Variants in PLCZ1 observed in about 807,000 individuals in gnomAD.
PLCZ1 encodes the protein phospholipase C zeta 1, also known as 1-phosphatidylinositol 4,5-bisphosphate phosphodiesterase zeta-1.
A neutral mutation model predicts 76.8 loss-of-function variants in PLCZ1; 64 were observed. That is an observed-to-expected ratio of 0.83 (90% CI 0.68 to 1.03). The LOEUF is 1.03. PLCZ1 is among the 50% of genes least tolerant of loss of function. PLCZ1 has a pLI of 0.00. For synonymous variants in PLCZ1, 248 were observed against 230.8 expected, an observed-to-expected ratio of 1.07 and a Z score of -0.68; for missense variants, 751 against 713.7, an observed-to-expected ratio of 1.05 and a Z score of -0.60.
At chr12:18,729,255 G>A (rs1380918945) in intron 3 of PLCZ1, among the ~76,000 whole-genome samples, 1 of 151,512 alleles carries the variant, frequency 6.6e-6, no homozygotes, top group Non-Finnish European at 1.5e-5. Flanking sequence ...TATTCTCCAT[G>A]CACTCTTTCC....
chr12:18,710,261 AT>A (rs896827811), intron 6 of PLCZ1, among the ~76,000 whole-genome samples: 4 of 149,410 alleles, frequency 2.7e-5, no homozygotes, highest in South Asian at 4.3e-4. Context: ...GACTGTCACT[AT>A]TTTTTTTAAT....
At chr12:18,684,569 C>T (rs1429249707) in intron 13 of PLCZ1, among the ~76,000 whole-genome samples, 1 of 151,976 alleles carries the variant, frequency 6.6e-6, no homozygotes, top group East Asian at 1.9e-4. Context: ...TACATAATTT[C>T]CTAAGGTTTC....
At chr12:18,708,559 T>C (rs996796251) in intron 6 of PLCZ1, among the ~76,000 whole-genome samples, 4 of 152,170 alleles carry the variant, frequency 2.6e-5, no homozygotes, top group Admixed American at 6.5e-5. Context: ...GGTGGCTCTA[T>C]TTTTTATTTC....
chr12:18,683,088 A>G, downstream of PLCZ1: 2 of 710,246 alleles, frequency 2.8e-6, no homozygotes, highest in Non-Finnish European at 4.7e-6. Context: ...CCACTGATTT[A>G]TTTTTGTATA....
At chr12:18,699,307 T>C (rs1443181592) in intron 10 of PLCZ1, among the ~76,000 whole-genome samples, 2 of 152,186 alleles carry the variant, frequency 1.3e-5, no homozygotes, top group Non-Finnish European at 2.9e-5. Context: ...TCATCCTGTC[T>C]CCACTCTCAC....
chr12:18,702,818 C>CTTTTTTTTTT (rs71064022), intron 7 of PLCZ1, among the ~76,000 whole-genome samples: 2 of 116,600 alleles, frequency 1.7e-5, no homozygotes, highest in African/African-American at 3.4e-5. Context: ...GATAAAGTAA[C>CTTTTTTTTTT]TTTTTTTTTT....
intron 12 of PLCZ1, among the ~76,000 whole-genome samples, chr12:18,689,856 C>T (rs1398279732): frequency 6.6e-6 from 1 of 151,986 alleles, no homozygotes; most frequent in Non-Finnish European, 1.5e-5. Context: ...CTCTCTGATT[C>T]CCAAATCGTG....
At chr12:18,672,578 T>C in the PLCZ1 span, among the ~76,000 whole-genome samples, 1 of 152,170 alleles carries the variant, frequency 6.6e-6, no homozygotes, top group Non-Finnish European at 1.5e-5. Flanking sequence ...CTCATCACAT[T>C]TGAATGAATA....
chr12:18,684,143 T>C lies in PLCZ1; in HGVS notation c.1728A>G (p.Leu576=). Residue 576 remains leucine, a synonymous_variant, in exon 14 of 15, where the codon CTA becomes CTG. Coordinates refer to ENST00000266505, the MANE Select transcript of PLCZ1 (RefSeq NM_033123.4). ...TAGGGACATTACCTTTGTTCATGCATAGAAGTGGCAAAGTATATTGCCCAA... is the reference window on the plus strand; with the variant it reads ...TAGGGACATTACCTTTGTTCATGCACAGAAGTGGCAAAGTATATTGCCCAA... ...EFLGQYTLPL[L]CMNKGYRRIP... is the part of the protein sequence containing the mutation. 1 of 1,611,798 alleles carries C rather than the reference T, an allele frequency of 6.2e-7. No individual in the cohort carries two copies. Among genetic ancestry groups the C allele is most frequent in the Non-Finnish European group, 8.5e-7 (1 of 1,178,644 alleles).
intron 12 of PLCZ1, among the ~76,000 whole-genome samples, chr12:18,690,833 T>C (rs1169490323): frequency 6.6e-6 from 1 of 152,100 alleles, no homozygotes; most frequent in African/African-American, 2.4e-5. Flanking sequence ...GGATCCTAGT[T>C]CCACATGGTT....
intron 3 of PLCZ1, among the ~76,000 whole-genome samples, chr12:18,726,504 T>C (rs985667998): frequency 5.9e-5 from 9 of 152,120 alleles, no homozygotes; most frequent in Non-Finnish European, 1.0e-4. Context: ...TGGACCTACC[T>C]AGAGGAGGAG....
chr12:18,698,282 A>ATTCTATTCTATTCTATTCTATTCTATT (rs1955396778), intron 10 of PLCZ1, among the ~76,000 whole-genome samples: 1 of 151,694 alleles, frequency 6.6e-6, no homozygotes, highest in Non-Finnish European at 1.5e-5. Context: ...ATTCTATTCT[A>ATTCTATTCTATTCTATTCTATTCTATT]TTCTACTCCA....
downstream of PLCZ1, among the ~76,000 whole-genome samples, chr12:18,682,689 TAC>T (rs1232127156): frequency 6.6e-6 from 1 of 151,988 alleles, no homozygotes; most frequent in Non-Finnish European, 1.5e-5. Flanking sequence ...ATCAATTTTA[TAC>T]ACACTCGTAA....
At chr12:18,654,504 C>T in the PLCZ1 span, among the ~76,000 whole-genome samples, 4 of 152,064 alleles carry the variant, frequency 2.6e-5, no homozygotes, top group South Asian at 2.1e-4. Context: ...GATTTCAGAC[C>T]GAAATCCCAG....
chr12:18,702,689 A>G (rs1173718867), intron 7 of PLCZ1, among the ~76,000 whole-genome samples: 2 of 152,146 alleles, frequency 1.3e-5, no homozygotes, highest in Non-Finnish European at 2.9e-5. Context: ...GAAAGGGACA[A>G]ATTCCTAGGA....
At chr12:18,686,345 C>T (rs1351957519) in intron 13 of PLCZ1, among the ~76,000 whole-genome samples, 1 of 152,006 alleles carries the variant, frequency 6.6e-6, no homozygotes, top group Non-Finnish European at 1.5e-5. Flanking sequence ...AAAGAAAGTT[C>T]CTGACACCTT....
chr12:18,647,896 A>G, the PLCZ1 span: 1 of 1,566,782 alleles, frequency 6.4e-7, no homozygotes, highest in Non-Finnish European at 8.7e-7. Context: ...ATGAAGTCAC[A>G]GAGCTCCAAG....
At chr12:18,733,643 T>C (rs561453693) in intron 3 of PLCZ1, among the ~76,000 whole-genome samples, 8 of 152,344 alleles carry the variant, frequency 5.3e-5, no homozygotes, top group Non-Finnish European at 1.2e-4. Flanking sequence ...GATTTTTGCA[T>C]ATGGGGTAAG....
At chr12:18,733,680 T>A (rs1472753328) in intron 3 of PLCZ1, among the ~76,000 whole-genome samples, 4 of 152,344 alleles carry the variant, frequency 2.6e-5, no homozygotes, top group African/African-American at 7.2e-5. Flanking sequence ...ATTTTTTACA[T>A]GCGAATATCC....
Sources: gnomAD v4.1 joint callset for allele counts (sites outside exome capture counted in the v4.1 genomes callset) on GRCh38, gnomAD v4.1.1 for gene constraint, MANE v1.5 for transcripts, NCBI Gene and HGNC (gene_info 2026-07-23, HGNC 2026-07-21) for gene names.